The following CDON variants were observed in gnomAD, a reference collection of about 807,000 sequenced individuals.
CDON encodes the protein cell adhesion associated, oncogene regulated, also known as cell adhesion molecule-related/down-regulated by oncogenes.
Under a neutral mutation model 120.9 loss-of-function variants are expected in CDON, and 73 were observed. The observed-to-expected ratio is 0.60, with a 90% CI of 0.50 to 0.73. CDON has a LOEUF of 0.73. CDON is among the 30% of genes least tolerant of loss of function. The pLI, the probability that CDON is intolerant of heterozygous loss-of-function variation, is 0.00. For synonymous variants in CDON, 566 were observed against 573.5 expected (o/e 0.99, Z 0.19); for missense variants, 1,470 against 1,587.3 (o/e 0.93, Z 1.26).
chr11:125,962,820 G>A (rs925950783), intron 18 of CDON, among the ~76,000 whole-genome samples: 12 of 151,884 alleles, frequency 7.9e-5, no homozygotes, highest in African/African-American at 2.7e-4. Context: ...TCTGTTTATC[G>A]GCTGAAATTC....
intron 18 of CDON, 74 bp from the exon 19 acceptor site, chr11:125,962,072 T>C: frequency 8.8e-7 from 1 of 1,132,492 alleles, no homozygotes; most frequent in Non-Finnish European, 1.3e-6. Context: ...TATTCTGAAA[T>C]ATCATTTGGT....
intron 19 of CDON, among the ~76,000 whole-genome samples, chr11:125,961,310 A>G (rs868562313): frequency 2.6e-5 from 4 of 152,232 alleles, no homozygotes; most frequent in Middle Eastern, 3.2e-3. Context: ...AAGCTATACA[A>G]TTCACCTGAG....
At chr11:125,974,935 G>T (rs1430945718) in intron 18 of CDON, among the ~76,000 whole-genome samples, 1 of 133,230 alleles carries the variant, frequency 7.5e-6, no homozygotes, top group East Asian at 2.1e-4. Flanking sequence ...TCAGTCAATG[G>T]CCAAGTCCTG....
chr11:126,039,143 C>T (rs1307111545), intron 1 of CDON, among the ~76,000 whole-genome samples: 2 of 152,174 alleles, frequency 1.3e-5, no homozygotes, highest in African/African-American at 4.8e-5. Context: ...CTACTTGATA[C>T]TGAGGCATCA....
At chr11:126,002,839 T>C (rs1217465362) in intron 10 of CDON, among the ~76,000 whole-genome samples, 1 of 152,176 alleles carries the variant, frequency 6.6e-6, no homozygotes, top group Non-Finnish European at 1.5e-5. Context: ...CGTTGTTCCC[T>C]GGGATCTCTC....
intron 1 of CDON, among the ~76,000 whole-genome samples, chr11:126,039,808 C>T (rs1294080001): frequency 6.6e-6 from 1 of 152,070 alleles, no homozygotes; most frequent in Non-Finnish European, 1.5e-5. Flanking sequence ...CTTAAGCTTC[C>T]CCTCCAAAAT....
chr11:126,011,012 A>G (rs2134633006), intron 7 of CDON: 1 of 436,452 alleles, frequency 2.3e-6, no homozygotes, highest in South Asian at 1.8e-5. Context: ...TAGAACATAT[A>G]AGGTTGAAAC....
At chr11:125,991,036 C>T (rs1194146866) in intron 14 of CDON, among the ~76,000 whole-genome samples, 1 of 152,038 alleles carries the variant, frequency 6.6e-6, no homozygotes, top group East Asian at 1.9e-4. Flanking sequence ...CCCAACCCAG[C>T]CCTACACTCA....
At chr11:125,972,440 G>T (rs1331320270) in intron 18 of CDON, among the ~76,000 whole-genome samples, 1 of 151,776 alleles carries the variant, frequency 6.6e-6, no homozygotes, top group Non-Finnish European at 1.5e-5. Context: ...AAAAACAAAA[G>T]AAAATCAAAA....
In CDON at chr11:125,997,229, CACTGAAAGTTTGGA is replaced by C; in HGVS notation, c.2326_2339del (p.Ser776GlyfsTer4). 1.2e-6 allele frequency: 2 copies of C among 1,613,742 alleles called. No individual in the cohort carries two copies. The highest frequency in any genetic ancestry group is 1.7e-6 in the Non-Finnish European group (2 of 1,179,632). On this transcript the variant is annotated frameshift_variant, in exon 12 of 20. Transcript: ENST00000531738. LOFTEE classifies it high-confidence loss of function. The stretch of plus-strand genomic sequence containing the variant: ...TACCTGGTTCTAAACTACGAACTTC[CACTGAAAGTTTGGA>C]AGGAGGGATGTCTTCAGCTGCCACC...
intron 2 of CDON, among the ~76,000 whole-genome samples, chr11:126,022,101 C>CAAAAA (rs56788784): frequency 3.9e-4 from 22 of 56,474 alleles, no homozygotes; most frequent in South Asian, 1.5e-3. Flanking sequence ...GACCCTGCTT[C>CAAAAA]AAAAAAAAAA....
chr11:125,982,798 C>A (rs909122912), intron 16 of CDON, among the ~76,000 whole-genome samples: 1 of 152,152 alleles, frequency 6.6e-6, no homozygotes, highest in Admixed American at 6.5e-5. Flanking sequence ...CGCACTCACA[C>A]AATTAAAGGC....
In CDON at chr11:125,958,565, ATGTGTGTGTGTG is replaced by A. The variant is rs35654681; in HGVS notation, c.*2365_*2376del. Reference sequence around the variant, plus strand: ...AAGGCAATTATATATATATATATATATGTGTGTGTGTGTGTGTGTGTGTGTGTTTATATATAT... The same window carrying A: ...AAGGCAATTATATATATATATATATATGTGTGTGTGTGTGTTTATATATAT... On this transcript the variant is annotated 3_prime_UTR_variant, in exon 20 of 20. Transcript: ENST00000531738. The A allele has an allele frequency of 4.6e-5, 6 of 130,084 alleles. No individual in the cohort carries two copies. The highest frequency in any genetic ancestry group is 9.6e-5 in the Non-Finnish European group (6 of 62,376). The allele number at this position is 130,084 out of a possible 1,614,324, so 8.1% of individuals were successfully genotyped here. A position where few individuals can be genotyped will look rare whatever the true frequency, so the allele number is the denominator to read the frequency against.
intron 18 of CDON, among the ~76,000 whole-genome samples, chr11:125,969,051 T>G (rs569393806): frequency 6.6e-6 from 1 of 152,280 alleles, no homozygotes; most frequent in South Asian, 2.1e-4. Flanking sequence ...CAGGCTGGAG[T>G]GCAATGGCGT....
Position 126,034,342 on chromosome 11 carries a change from T to G in CDON, c.-61-10805A>C, listed in dbSNP as rs1005876495. Among the ~76,000 whole-genome samples the G allele has an allele frequency of 2.6e-5, 4 of 152,008 alleles. No individual in the cohort carries two copies. Among genetic ancestry groups the G allele is most frequent in the African/African-American group, 9.7e-5 (4 of 41,376 alleles). On this transcript the variant is annotated intron_variant, in intron 1 of 19. Coordinates refer to ENST00000531738, the MANE Select transcript of CDON (RefSeq NM_001378964.1). This position sits in a 1 kb window ranked among gnomAD's most constrained non-coding sequence, Gnocchi z 4.5. ...GAGCAAAGAAATAATCAACTCCACATGAGCCTCTTCAGCTCCAACACAATG... is the reference window on the plus strand; with the variant it reads ...GAGCAAAGAAATAATCAACTCCACAGGAGCCTCTTCAGCTCCAACACAATG...
intron 19 of CDON, among the ~76,000 whole-genome samples, chr11:125,961,496 G>A (rs1349146817): frequency 1.3e-5 from 2 of 152,226 alleles, no homozygotes; most frequent in Non-Finnish European, 2.9e-5. Context: ...TCCAAAGTGT[G>A]ATGGGATTGA....
At chr11:126,000,753 C>T (rs559406360) in intron 11 of CDON, among the ~76,000 whole-genome samples, 17 of 152,172 alleles carry the variant, frequency 1.1e-4, no homozygotes, top group Admixed American at 1.0e-3. Context: ...AGAGGTGCTT[C>T]GGAGGGAGTT....
chr11:125,977,773 A>T (rs1946186728), intron 18 of CDON, among the ~76,000 whole-genome samples: 1 of 152,180 alleles, frequency 6.6e-6, no homozygotes, highest in African/African-American at 2.4e-5. Flanking sequence ...CCACTTTTAA[A>T]ATTAAAACAC....
intron 6 of CDON, among the ~76,000 whole-genome samples, chr11:126,015,871 C>T (rs1442586544): frequency 6.6e-6 from 1 of 152,176 alleles, no homozygotes; most frequent in Non-Finnish European, 1.5e-5. Flanking sequence ...GGATTTCACA[C>T]TAAACAGAAG....
Sources: gnomAD v4.1 joint callset for allele counts (sites outside exome capture counted in the v4.1 genomes callset) on GRCh38, gnomAD v4.1.1 for gene constraint, Gnocchi (gnomAD v3.1) non-coding constraint, MANE v1.5 for transcripts, NCBI Gene and HGNC (gene_info 2026-07-23, HGNC 2026-07-21) for gene names.